Variants in TYW1 observed in about 807,000 individuals in gnomAD.
TYW1 encodes S-adenosyl-L-methionine-dependent tRNA 4-demethylwyosine synthase TYW1.
A neutral mutation model predicts 96.2 loss-of-function variants in TYW1; 46 were observed. The ratio of observed to expected loss-of-function variants is 0.48; its 90% CI spans 0.38 to 0.61. The LOEUF is 0.61. TYW1 is among the 20% of genes least tolerant of loss of function. TYW1 has a pLI of 0.00. For synonymous variants in TYW1, 274 were observed against 323.0 expected (o/e 0.85, Z 1.63); for missense variants, 684 against 909.6 (o/e 0.75, Z 3.19).
chr7:67,219,895 TTTA>T (rs1164918524), intron 15 of TYW1, among the ~76,000 whole-genome samples: 1 of 150,100 alleles, frequency 6.7e-6, no homozygotes, highest in African/African-American at 2.4e-5. Flanking sequence ...TGCTCTAATC[TTTA>T]TTATTTCCTT....
intron 13 of TYW1, among the ~76,000 whole-genome samples, chr7:67,136,795 T>TG (rs1191140352): frequency 6.6e-6 from 1 of 152,060 alleles, no homozygotes; most frequent in Non-Finnish European, 1.5e-5. Flanking sequence ...GACTTAGTGA[T>TG]GGGAAAAAAT....
intron 4 of TYW1, among the ~76,000 whole-genome samples, chr7:67,012,676 C>T (rs1408859110): frequency 2.6e-5 from 4 of 152,074 alleles, no homozygotes; most frequent in Admixed American, 6.6e-5. Flanking sequence ...ATTTCTGGAG[C>T]GCTGACAGGA....
intron 5 of TYW1, among the ~76,000 whole-genome samples, chr7:67,017,435 T>C (rs1026553882): frequency 6.6e-6 from 1 of 152,224 alleles, no homozygotes; most frequent in Non-Finnish European, 1.5e-5. Flanking sequence ...ATTACGAATC[T>C]TGCCAAATTG....
chr7:67,058,590 C>T (rs1222597065), intron 9 of TYW1, among the ~76,000 whole-genome samples: 1 of 151,902 alleles, frequency 6.6e-6, no homozygotes, highest in Non-Finnish European at 1.5e-5. Flanking sequence ...CTGAAGTGAT[C>T]CTCCCTCCTC....
chr7:67,226,561 G>T (rs1801564710), intron 15 of TYW1, among the ~76,000 whole-genome samples: 1 of 152,082 alleles, frequency 6.6e-6, no homozygotes, highest in Admixed American at 6.5e-5. Flanking sequence ...TGGCTCACTG[G>T]CTTCCCCCAA....
rs796554388 is a variant in TYW1 at position 67,182,567 on chromosome 7, TAAAG to T, written c.1699-556_1699-553del. Among the ~76,000 whole-genome samples the T allele has an allele frequency of 1.2e-3, 178 of 151,860 alleles. 2 individuals are homozygous for T. The highest frequency in any genetic ancestry group is 4.0e-3 in the African/African-American group (167 of 41,342). On this transcript the variant is annotated intron_variant, in intron 13 of 15. Coordinates refer to ENST00000359626, the MANE Select transcript of TYW1 (RefSeq NM_018264.4). ...GGGCGAGACCCTGTCTCTAAAAAAA[TAAAG>T]AAGAAAAGAAAGCAAGCCAGTCCCT...
Position 67,151,810 on chromosome 7 carries a change from G to T in TYW1, c.1699-31316G>T, listed in dbSNP as rs569631565. 1.5e-3 allele frequency among the ~76,000 whole-genome samples: 223 copies of T among 151,304 alleles called. 2 individuals are homozygous for T. The highest frequency in any genetic ancestry group is 4.3e-3 in the African/African-American group (179 of 41,216). On this transcript the variant is annotated intron_variant, in intron 13 of 15. Transcript: ENST00000359626. The stretch of plus-strand genomic sequence containing the variant: ...CCATGCTGCTGCTGCTTTTTTTGTT[G>T]TTGTTGTTGTTGTTGAGATAGGGAC...
At chr7:67,086,985 G>A (rs1796568495) in intron 11 of TYW1, among the ~76,000 whole-genome samples, 1 of 152,168 alleles carries the variant, frequency 6.6e-6, no homozygotes. Context: ...ACATCCTGGA[G>A]TCTCCCTGAA....
At chr7:67,093,506 A>C (rs988988918) in intron 11 of TYW1, among the ~76,000 whole-genome samples, 1 of 152,198 alleles carries the variant, frequency 6.6e-6, no homozygotes, top group African/African-American at 2.4e-5. Context: ...TTTGGAGTTC[A>C]GGTTCAACCT....
intron 6 of TYW1, among the ~76,000 whole-genome samples, chr7:67,023,496 G>A (rs1323257333): frequency 2.0e-5 from 3 of 152,008 alleles, no homozygotes; most frequent in Non-Finnish European, 4.4e-5. Context: ...AGCTGGGCAC[G>A]GTGGCTCACA....
At chr7:67,014,023 T>G (rs1278167649) in intron 4 of TYW1, among the ~76,000 whole-genome samples, 2 of 152,048 alleles carry the variant, frequency 1.3e-5, no homozygotes, top group East Asian at 1.9e-4. Flanking sequence ...GATTACAGGC[T>G]TGAGCCACCG....
chr7:67,092,207 G>A (rs985158275), intron 11 of TYW1, among the ~76,000 whole-genome samples: 5 of 152,012 alleles, frequency 3.3e-5, no homozygotes, highest in Admixed American at 1.3e-4. Context: ...TACCTTGAAA[G>A]TAGAGCCAGC....
chr7:67,046,326 G>A (rs1217576914), intron 7 of TYW1, among the ~76,000 whole-genome samples: 4 of 152,074 alleles, frequency 2.6e-5, no homozygotes, highest in African/African-American at 9.7e-5. Context: ...CACGCATTGG[G>A]CACACTGGGT....
At position 67,195,192 on chromosome 7, in the gene TYW1, G is replaced by A. The variant is rs144680456; in HGVS notation, c.1832G>A (p.Ser611Asn). 68 of 1,613,862 alleles carry A rather than the reference G, an allele frequency of 4.2e-5. 1 individual carries two copies. The African/African-American group carries it at 6.1e-4, about 15-fold the overall frequency. ...EVKGVTYCGE[S>N]SASSLTMAHV... ...CAGGGCGTTACCTACTGCGGAGAAAGTTCAGCAAGCAGTCTTACCATGGCC... is the reference window on the plus strand; with the variant it reads ...CAGGGCGTTACCTACTGCGGAGAAAATTCAGCAAGCAGTCTTACCATGGCC... Residue 611 changes from serine (S) to asparagine (N), a missense_variant, in exon 15 of 16, where the codon AGT becomes AAT. By Grantham distance (46) the Ser-to-Asn change is conservative. Coordinates refer to ENST00000359626, the MANE Select transcript of TYW1 (RefSeq NM_018264.4).
intron 1 of TYW1, among the ~76,000 whole-genome samples, 199 bp downstream of exon 1, chr7:66,997,181 G>A (rs1793196620): frequency 6.6e-6 from 1 of 152,200 alleles, no homozygotes; most frequent in Non-Finnish European, 1.5e-5. Flanking sequence ...GAGGCTAGGG[G>A]GTTAGACAGA....
chr7:67,006,989 A>G (rs374609265), intron 3 of TYW1, among the ~76,000 whole-genome samples: 5 of 114,666 alleles, frequency 4.4e-5, no homozygotes, highest in East Asian at 2.5e-4. Flanking sequence ...ACAGCCATCT[A>G]TGAACTAATA....
At chr7:67,016,922 GC>G (rs1462437916) in intron 5 of TYW1, among the ~76,000 whole-genome samples, 1 of 151,806 alleles carries the variant, frequency 6.6e-6, no homozygotes, top group Non-Finnish European at 1.5e-5. Context: ...ACTGCATCTG[GC>G]CTCTCCCCAT....
intron 7 of TYW1, among the ~76,000 whole-genome samples, chr7:67,047,758 T>C (rs1795230383): frequency 6.6e-6 from 1 of 150,860 alleles, no homozygotes; most frequent in Non-Finnish European, 1.5e-5. Flanking sequence ...TGACTCCAAA[T>C]TTCACTTACT....
intron 11 of TYW1, among the ~76,000 whole-genome samples, chr7:67,096,242 T>G (rs1436134687): frequency 6.6e-6 from 1 of 151,998 alleles, no homozygotes; most frequent in African/African-American, 2.4e-5. Flanking sequence ...ACAAAAAAAT[T>G]AGCCGGGCAT....
Sources: gnomAD v4.1 joint callset for allele counts (sites outside exome capture counted in the v4.1 genomes callset) on GRCh38, gnomAD v4.1.1 for gene constraint, MANE v1.5 for transcripts, NCBI Gene and HGNC (gene_info 2026-07-23, HGNC 2026-07-21) for gene names.